Variants in L2HGDH observed in about 807,000 individuals in gnomAD.
L2HGDH encodes the protein L-2-hydroxyglutarate dehydrogenase.
L2HGDH carries 34 observed loss-of-function variants against 51.5 expected under a neutral mutation model. The ratio of observed to expected loss-of-function variants is 0.66; its 90% CI spans 0.50 to 0.88. L2HGDH has a LOEUF of 0.88. L2HGDH is among the 40% of genes least tolerant of loss of function. L2HGDH has a pLI of 0.00. For missense variants in L2HGDH, 558 were observed against 571.9 expected, an observed-to-expected ratio of 0.98 and a Z score of 0.25; for synonymous variants, 198 against 197.9, an observed-to-expected ratio of 1.00 and a Z score of -0.01.
intron 4 of L2HGDH, among the ~76,000 whole-genome samples, chr14:50,289,940 A>G (rs1284669360): frequency 1.3e-5 from 2 of 152,202 alleles, no homozygotes; most frequent in Admixed American, 1.3e-4. Context: ...TGAAGGATAC[A>G]GCAAGATAAA....
intron 8 of L2HGDH, 76 bp downstream of exon 8, chr14:50,267,677 A>C: frequency 9.3e-7 from 1 of 1,077,894 alleles, no homozygotes. Flanking sequence ...CAATAAGTAG[A>C]GTATCAAGAA....
chr14:50,288,077 G>C (rs573267020), intron 4 of L2HGDH, among the ~76,000 whole-genome samples: 1 of 152,184 alleles, frequency 6.6e-6, no homozygotes, highest in Non-Finnish European at 1.5e-5. Flanking sequence ...AGGGTAATTA[G>C]TATATCAATC....
intron 3 of L2HGDH, among the ~76,000 whole-genome samples, chr14:50,300,152 T>A (rs932819551): frequency 6.6e-6 from 1 of 152,148 alleles, no homozygotes; most frequent in African/African-American, 2.4e-5. Flanking sequence ...AGGATATCTA[T>A]TACACAAAAT....
At chr14:50,276,130 T>C (rs896861088) in intron 6 of L2HGDH, among the ~76,000 whole-genome samples, 5 of 152,310 alleles carry the variant, frequency 3.3e-5, no homozygotes, top group Middle Eastern at 6.8e-3. Flanking sequence ...CTGAAGCTTC[T>C]CTTAGTATTC....
At chr14:50,258,900 G>A (rs1000946053) in intron 9 of L2HGDH, among the ~76,000 whole-genome samples, 2 of 151,668 alleles carry the variant, frequency 1.3e-5, no homozygotes, top group Non-Finnish European at 2.9e-5. Flanking sequence ...GGAGTGCAGT[G>A]GTGTTATCAT....
chr14:50,287,785 C>T (rs772377689), intron 4 of L2HGDH, among the ~76,000 whole-genome samples: 1 of 147,626 alleles, frequency 6.8e-6, no homozygotes, highest in Non-Finnish European at 1.5e-5. Context: ...GCAACCTCTG[C>T]CTCCCAGGTT....
intron 4 of L2HGDH, among the ~76,000 whole-genome samples, chr14:50,285,412 A>T (rs897332011): frequency 6.6e-6 from 1 of 152,256 alleles, no homozygotes; most frequent in Non-Finnish European, 1.5e-5. Flanking sequence ...TTTCTAGAAT[A>T]TAAGAGTATT....
chr14:50,257,754 T>C (rs1888757259), intron 9 of L2HGDH, among the ~76,000 whole-genome samples: 1 of 151,624 alleles, frequency 6.6e-6, no homozygotes, highest in Non-Finnish European at 1.5e-5. Context: ...AGTTCTTTTT[T>C]CTTTGGTTTT....
In L2HGDH at chr14:50,284,024, C is replaced by A; in HGVS notation, c.550G>T (p.Ala184Ser). 1 of 1,613,502 alleles carries A rather than the reference C, an allele frequency of 6.2e-7. No individual in the cohort carries two copies. Among genetic ancestry groups the A allele is most frequent in the Non-Finnish European group, 8.5e-7 (1 of 1,179,508 alleles). ...KKEPYCRGLM[A>S]IDCPHTGIVD... ...ATGCCAGTATGTGGACAATCAATAG[C>A]CATTAGACCCTGAAACAGAATTATG... Residue 184 changes from alanine (A) to serine (S), a missense_variant, in exon 5 of 10, where the codon GCT (alanine) becomes TCT (serine). Ala to Ser is a moderately conservative substitution (Grantham distance 99, BLOSUM62 1). This residue lies in a region of L2HGDH where 43 missense variants were observed against 72.9 expected (regional missense o/e 0.59). Coordinates refer to ENST00000267436, the MANE Select transcript of L2HGDH (RefSeq NM_024884.3).
chr14:50,287,988 A>G (rs1343763466), intron 4 of L2HGDH, among the ~76,000 whole-genome samples: 6 of 152,048 alleles, frequency 3.9e-5, no homozygotes, highest in Middle Eastern at 3.4e-3. Flanking sequence ...ATGAGCCACC[A>G]TGCCCAGCCA....
intron 8 of L2HGDH, among the ~76,000 whole-genome samples, chr14:50,266,212 CT>C (rs940130072): frequency 6.6e-6 from 1 of 151,372 alleles, no homozygotes; most frequent in African/African-American, 2.4e-5. Flanking sequence ...TGGTTTCAAA[CT>C]GGAACTCTAT....
Position 50,287,195 on chromosome 14 carries a change from C to A in L2HGDH, c.541-3162G>T, listed in dbSNP as rs1427275663. ...TCATTCCAAGGACCTGTGATGGTCA[C>A]CTCATCAGGTACAGAGAACAATATC... On this transcript the variant is annotated intron_variant, in intron 4 of 9. Coordinates refer to ENST00000267436, the MANE Select transcript of L2HGDH (RefSeq NM_024884.3). 3 of 985,288 alleles carry A rather than the reference C, an allele frequency of 3.0e-6. No individual in the cohort carries two copies. In the South Asian group the frequency reaches 1.4e-4, roughly 46 times the overall value. The allele number at this position is 985,288 out of a possible 1,614,324, so 61.0% of individuals were successfully genotyped here.
intron 9 of L2HGDH, among the ~76,000 whole-genome samples, chr14:50,264,577 C>G (rs1374218601): frequency 4.6e-5 from 7 of 152,106 alleles, no homozygotes; most frequent in African/African-American, 7.2e-5. Flanking sequence ...GTGTTTCTAA[C>G]AGGTTTTAAT....
At chr14:50,299,745 T>C (rs1014012499) in intron 3 of L2HGDH, 2 of 154,350 alleles carry the variant, frequency 1.3e-5, no homozygotes, top group Admixed American at 6.5e-5. Flanking sequence ...CCAGGCGTGG[T>C]GGCTCACACC....
At chr14:50,279,863 C>T (rs1890168481) in intron 5 of L2HGDH, among the ~76,000 whole-genome samples, 1 of 151,874 alleles carries the variant, frequency 6.6e-6, no homozygotes, top group African/African-American at 2.4e-5. Context: ...GAGTTTGAGA[C>T]CAGCCTGACC....
chr14:50,302,823 T>C (rs888891749), intron 2 of L2HGDH, 79 bp downstream of exon 2: 2 of 955,896 alleles, frequency 2.1e-6, no homozygotes, highest in Non-Finnish European at 3.4e-6. Context: ...ACACTGACAT[T>C]CAGCATGAAA....
Position 50,294,866 on chromosome 14 carries a change from G to A in L2HGDH, c.409-620C>T, listed in dbSNP as rs558721878. Among the ~76,000 whole-genome samples, 22 of 152,112 alleles carry A rather than the reference G, an allele frequency of 1.4e-4. No homozygotes were observed. In the South Asian group the frequency reaches 4.6e-3, roughly 32 times the overall value. The stretch of plus-strand genomic sequence containing the variant: ...CAGTTTCTTCTTTACTTAAAGAAAG[G>A]GGCAAAGGAAAACACAGGTGCATAT... On this transcript the variant is annotated intron_variant, in intron 3 of 9. Coordinates refer to ENST00000267436, the MANE Select transcript of L2HGDH (RefSeq NM_024884.3).
rs61078035 is a variant in L2HGDH, at chr14:50,293,288, T to C, written c.540+827A>G. 513 of 702,196 alleles carry C rather than the reference T, an allele frequency of 7.3e-4. 3 individuals are homozygous for C. The highest frequency in any genetic ancestry group is 6.9e-3 in the African/African-American group (396 of 57,338). 43.5% of individuals were successfully genotyped at this position (702,196 alleles called of 1,614,324 possible). Reference sequence around the variant, plus strand: ...GATGCTGACACAACTGGATATCTGTTTGGGGAAAAAATACACCTTGACCCC... The same window carrying C: ...GATGCTGACACAACTGGATATCTGTCTGGGGAAAAAATACACCTTGACCCC... On this transcript the variant is annotated intron_variant, in intron 4 of 9. Transcript: ENST00000267436.
intron 9 of L2HGDH, among the ~76,000 whole-genome samples, chr14:50,247,456 C>T (rs568389718): frequency 2.0e-5 from 3 of 152,248 alleles, no homozygotes; most frequent in South Asian, 2.1e-4. Context: ...AAACCTATTA[C>T]GTAACAATAG....
Sources: gnomAD v4.1 joint callset for allele counts (sites outside exome capture counted in the v4.1 genomes callset) on GRCh38, gnomAD v4.1.1 for gene constraint, gnomAD v4.1.1 regional missense constraint, MANE v1.5 for transcripts, NCBI Gene and HGNC (gene_info 2026-07-23, HGNC 2026-07-21) for gene names.